The following SPATA13 variants were observed in gnomAD, a reference collection of about 807,000 sequenced individuals.
SPATA13 encodes the protein spermatogenesis-associated protein 13.
SPATA13 carries 50 observed loss-of-function variants against 104.0 expected under a neutral mutation model. The observed-to-expected ratio is 0.48, with a 90% confidence interval of 0.38 to 0.61. The LOEUF (loss-of-function observed/expected upper bound fraction) is 0.61, where lower values mean the gene tolerates loss of function less well. Among genes scored for constraint, SPATA13 ranks in the 20% least tolerant of loss-of-function variants. The probability of loss-of-function intolerance (pLI) is 0.00; values close to 1 mark genes in which losing one functional copy is unlikely to be tolerated. For synonymous variants in SPATA13, 606 were observed against 667.5 expected (o/e 0.91, Z 1.42); for missense variants, 1,524 against 1,690.6 (o/e 0.90, Z 1.73).
chr13:24,244,509 T>C (rs890005588), intron 2 of SPATA13, among the ~76,000 whole-genome samples: 5 of 152,174 alleles, frequency 3.3e-5, no homozygotes, highest in African/African-American at 1.2e-4. Context: ...TTTTGCAGAG[T>C]AAAATATGAA....
chr13:24,108,102 C>G (rs1243670873), intron 3 of SPATA13, among the ~76,000 whole-genome samples: 2 of 152,198 alleles, frequency 1.3e-5, no homozygotes, highest in African/African-American at 4.8e-5. Flanking sequence ...GCTGTGCCCT[C>G]TGGAGGGGTG....
chr13:24,146,618 C>T (rs1252264930), intron 3 of SPATA13, among the ~76,000 whole-genome samples: 1 of 142,836 alleles, frequency 7.0e-6, no homozygotes, highest in Non-Finnish European at 1.5e-5. Flanking sequence ...TTACAGGGCA[C>T]TAAGGAAATG....
chr13:23,992,037 T>A (rs1253790875), intron 2 of SPATA13, among the ~76,000 whole-genome samples: 1 of 152,220 alleles, frequency 6.6e-6, no homozygotes, highest in African/African-American at 2.4e-5. Context: ...ATATTTCACA[T>A]GGATTATTTT....
At chr13:24,070,148 T>G (rs979204874) in intron 3 of SPATA13, among the ~76,000 whole-genome samples, 1 of 152,194 alleles carries the variant, frequency 6.6e-6, no homozygotes, top group Non-Finnish European at 1.5e-5. Flanking sequence ...AGGGGCAGAT[T>G]GTGGACTAAA....
intron 3 of SPATA13, among the ~76,000 whole-genome samples, chr13:24,054,191 C>T (rs976223851): frequency 2.5e-4 from 38 of 152,138 alleles, no homozygotes; most frequent in African/African-American, 9.2e-4. Flanking sequence ...GCCAGAAGCC[C>T]GGAGTTCCCA....
chr13:23,979,924 G>A (rs1191921730), exon 1 of SPATA13: 1 of 152,298 alleles, frequency 6.6e-6, no homozygotes, highest in Non-Finnish European at 1.5e-5. Flanking sequence ...TGCTGAGACA[G>A]GCAAGTGGGA....
intron 1 of SPATA13, among the ~76,000 whole-genome samples, chr13:24,169,823 T>G (rs1882894586): frequency 6.6e-6 from 1 of 152,138 alleles, no homozygotes; most frequent in South Asian, 2.1e-4. Context: ...GTCCCCACTC[T>G]CCTCTCCTGC....
chr13:24,180,783 CA>C (rs1434160453), intron 1 of SPATA13, among the ~76,000 whole-genome samples: 2 of 152,070 alleles, frequency 1.3e-5, no homozygotes, highest in Non-Finnish European at 2.9e-5. Flanking sequence ...TTATTGATTG[CA>C]AGTCTATAGA....
chr13:24,286,311 A>T lies in SPATA13; in HGVS notation c.2399A>T (p.Gln800Leu), dbSNP rs768852418. Residue 800 changes from glutamine (Q) to leucine (L), a missense_variant, in exon 6 of 13, where the codon CAG becomes CTG. Physicochemically the swap from Gln to Leu is moderately radical, Grantham distance 113. Transcript: ENST00000382108. This position sits in a 1 kb window ranked among gnomAD's most constrained non-coding sequence, Gnocchi z 4.9. Reference protein sequence around the residue: ...ELGFKAGDVIQVLEASNKDWW... With the variant: ...ELGFKAGDVILVLEASNKDWW... ...GGCTTCAAAGCCGGGGATGTCATCC[A>T]GGTTCTGGAAGCCTCCAACAAGGAC... 6.2e-7 allele frequency: 1 copy of T among 1,613,770 alleles called. No homozygotes were observed. Among genetic ancestry groups the T allele is most frequent in the Non-Finnish European group, 8.5e-7 (1 of 1,180,032 alleles).
Position 24,304,836 on chromosome 13 carries a change from C to T in SPATA13, c.*2063C>T, listed in dbSNP as rs879533017. On this transcript the variant is annotated 3_prime_UTR_variant, in exon 13 of 13. Coordinates refer to ENST00000382108, the MANE Select transcript of SPATA13 (RefSeq NM_001166271.3). ...AGGAGCTTCTGGAGAGGTCCTGTGG[C>T]ATGTGTGGGGGTGTGTGTGTGTATG... The T allele has an allele frequency of 2.6e-5, 4 of 152,180 alleles. No individual in the cohort carries two copies. The highest frequency in any genetic ancestry group is 7.2e-5 in the African/African-American group (3 of 41,422). 9.4% of individuals were successfully genotyped at this position (152,180 alleles called of 1,614,324 possible).
chr13:24,146,522 T>C (rs899729909), intron 3 of SPATA13, among the ~76,000 whole-genome samples: 1 of 152,156 alleles, frequency 6.6e-6, no homozygotes, highest in African/African-American at 2.4e-5. Context: ...TATAATCTTA[T>C]CTACATAGAT....
intron 3 of SPATA13, among the ~76,000 whole-genome samples, chr13:24,145,448 C>T (rs557831711): frequency 6.6e-6 from 1 of 152,318 alleles, no homozygotes; most frequent in Non-Finnish European, 1.5e-5. Context: ...CCTACCAGCA[C>T]GTTCCTCTGA....
intron 2 of SPATA13, among the ~76,000 whole-genome samples, chr13:24,016,879 C>T (rs949814228): frequency 2.0e-5 from 3 of 152,240 alleles, no homozygotes; most frequent in Non-Finnish European, 4.4e-5. Context: ...TGCAGGATGG[C>T]GCTGCCCCCG....
Position 24,223,643 on chromosome 13 carries a change from C to T in SPATA13, c.714C>T (p.Leu238=), listed in dbSNP as rs376505603. 303 of 1,552,050 alleles carry T rather than the reference C, an allele frequency of 2.0e-4. No homozygotes were observed. The African/African-American group carries it at 3.5e-3, about 18-fold the overall frequency. ...AGGTGCCCGCCGTGTGTGAGATTCT[C>T]GTGAGGGACCCTGAAAACAACAGCA... ...TGQVPAVCEI[L]VRDPENNSMG... The change falls in exon 2 of 13, where the codon CTC becomes CTT. Residue 238 remains leucine (L), a synonymous_variant. Transcript: ENST00000382108.
chr13:24,090,031 AC>A (rs1251968295), intron 3 of SPATA13, among the ~76,000 whole-genome samples: 1 of 152,098 alleles, frequency 6.6e-6, no homozygotes, highest in Non-Finnish European at 1.5e-5. Context: ...TAAAGGCCCC[AC>A]CCCTGAATAC....
chr13:24,183,262 T>C (rs1283248395), intron 1 of SPATA13, among the ~76,000 whole-genome samples: 1 of 152,178 alleles, frequency 6.6e-6, no homozygotes, highest in Non-Finnish European at 1.5e-5. Context: ...TCAATACAAG[T>C]CAAATATAAT....
rs1351670506 is a variant in SPATA13 at position 24,039,636 on chromosome 13, CT to C, written c.-112+21939del. Among the ~76,000 whole-genome samples the C allele has an allele frequency of 3.3e-5, 5 of 152,042 alleles. No homozygotes were observed. In the East Asian group the frequency reaches 9.6e-4, roughly 29 times the overall value. On this transcript the variant is annotated intron_variant, in intron 3 of 14. Transcript: ENST00000424834. The stretch of plus-strand genomic sequence containing the variant: ...TTAGTTCTTGCTCTGGTTGTTCTTC[CT>C]TTTGTCTCTTGCTGTTCTGTGGACT...
At chr13:24,269,987 G>C (rs937516281) in intron 4 of SPATA13, among the ~76,000 whole-genome samples, 2 of 151,802 alleles carry the variant, frequency 1.3e-5, no homozygotes, top group African/African-American at 4.8e-5. Flanking sequence ...CTCCTGAGTA[G>C]TTGGGATTAC....
At chr13:24,101,772 G>A (rs997948130) in intron 3 of SPATA13, among the ~76,000 whole-genome samples, 2 of 152,154 alleles carry the variant, frequency 1.3e-5, no homozygotes, top group African/African-American at 4.8e-5. Flanking sequence ...GTAGCTTAAT[G>A]TCCTCAAATG....
Sources: gnomAD v4.1 joint callset for allele counts (sites outside exome capture counted in the v4.1 genomes callset) on GRCh38, gnomAD v4.1.1 for gene constraint, Gnocchi (gnomAD v3.1) non-coding constraint, MANE v1.5 for transcripts, NCBI Gene and HGNC (gene_info 2026-07-23, HGNC 2026-07-21) for gene names.